AKAP13: variants seen among roughly 807,000 people sequenced by gnomAD.
AKAP13 encodes the protein A-kinase anchoring protein 13, also known as A-kinase anchor protein 13.
AKAP13 carries 80 observed loss-of-function variants against 264.5 expected under a neutral mutation model. The observed-to-expected ratio is 0.30, with a 90% CI of 0.25 to 0.36. The LOEUF is 0.36. Ranked by LOEUF, AKAP13 falls within the 10% of genes least tolerant of loss-of-function variation. AKAP13 has a pLI of 1.00. For missense variants in AKAP13, 3,712 were observed against 3,435.2 expected (o/e 1.08, Z -2.01); for synonymous variants, 1,380 against 1,250.2 (o/e 1.10, Z -2.19).
intron 14 of AKAP13, among the ~76,000 whole-genome samples, chr15:85,671,367 A>G (rs1187433096): frequency 2.7e-5 from 4 of 149,584 alleles, no homozygotes; most frequent in African/African-American, 2.5e-5. Flanking sequence ...CCAGGAGGTC[A>G]AGGCTGCAGT....
chr15:85,599,100 T>A (rs994722311), intron 8 of AKAP13, among the ~76,000 whole-genome samples: 2 of 152,200 alleles, frequency 1.3e-5, no homozygotes, highest in African/African-American at 4.8e-5. Flanking sequence ...TCATTAGTGC[T>A]GAAATCTGGT....
At chr15:85,681,791 A>G (rs991621227) in intron 14 of AKAP13, among the ~76,000 whole-genome samples, 2 of 151,770 alleles carry the variant, frequency 1.3e-5, no homozygotes, top group Admixed American at 6.6e-5. Context: ...TTCCTATTCT[A>G]TATTCTTCCT....
chr15:85,748,797 A>C lies in AKAP13; in HGVS notation c.*4120A>C, dbSNP rs551445098. 6 of 152,418 alleles carry C rather than the reference A, an allele frequency of 3.9e-5. No individual in the cohort carries two copies. The East Asian group carries it at 1.2e-3, about 29-fold the overall frequency. The allele number at this position is 152,418 out of a possible 1,614,324, so 9.4% of individuals were successfully genotyped here. A position where few individuals can be genotyped will look rare whatever the true frequency, so the allele number is the denominator to read the frequency against. The stretch of plus-strand genomic sequence containing the variant: ...CCACTGGCTGTGTCCCCTGCCACCG[A>C]AGTGAGTGACCTGCCCTACAACCAG... On this transcript the variant is annotated 3_prime_UTR_variant, in exon 37 of 37. Coordinates refer to ENST00000394518, the MANE Select transcript of AKAP13 (RefSeq NM_007200.5).
intron 8 of AKAP13, among the ~76,000 whole-genome samples, chr15:85,614,546 C>A (rs1031580121): frequency 1.3e-5 from 2 of 152,126 alleles, no homozygotes; most frequent in African/African-American, 4.8e-5. Flanking sequence ...TTTTAAAAAA[C>A]ATCTTTTTCT....
intron 1 of AKAP13, among the ~76,000 whole-genome samples, chr15:85,473,342 T>C (rs4260008): frequency 0.25 from 38,456 of 152,044 alleles, 5,604 homozygotes; most frequent in African/African-American, 0.41. Flanking sequence ...TAAGAGAAGA[T>C]GTAAACCACG....
chr15:85,416,445 C>T (rs938325878), intron 1 of AKAP13, among the ~76,000 whole-genome samples: 1 of 152,112 alleles, frequency 6.6e-6, no homozygotes, highest in Admixed American at 6.5e-5. Flanking sequence ...TAGAAATGAT[C>T]AGTTTCATTA....
At chr15:85,621,897 T>C (rs977392053) in intron 8 of AKAP13, among the ~76,000 whole-genome samples, 14 of 152,232 alleles carry the variant, frequency 9.2e-5, no homozygotes, top group African/African-American at 3.1e-4. Flanking sequence ...GTATTTGTAC[T>C]ATCCTGCCCA....
intron 5 of AKAP13, among the ~76,000 whole-genome samples, chr15:85,548,349 CTTAT>C (rs1348813547): frequency 5.3e-5 from 8 of 152,096 alleles, no homozygotes; most frequent in South Asian, 2.1e-4. Context: ...AAAATTAGGG[CTTAT>C]TTGTCATACA....
chr15:85,581,906 C>T lies in AKAP13; in HGVS notation c.3838C>T (p.Leu1280=), dbSNP rs571771236. The T allele has an allele frequency of 6.2e-7, 1 of 1,614,238 alleles. No homozygotes were observed. The highest frequency in any genetic ancestry group is 8.5e-7 in the Non-Finnish European group (1 of 1,180,028). The part of the protein sequence containing the change: ...LTEGEACHMS[L]SSPELGPLTK... The stretch of plus-strand genomic sequence containing the variant: ...TGAGGGGGAGGCCTGTCACATGTCA[C>T]TGTCCAGCCCTGAGTTGGGTCCTCT... The change falls in exon 7 of 37, where the codon CTG becomes TTG. Residue 1280 remains leucine, a synonymous_variant. Transcript: ENST00000394518.
intron 1 of AKAP13, among the ~76,000 whole-genome samples, chr15:85,466,646 C>T (rs1212239953): frequency 1.3e-5 from 2 of 152,164 alleles, no homozygotes; most frequent in African/African-American, 2.4e-5. Flanking sequence ...TTGGCAGATT[C>T]AGTTTTGTAT....
intron 1 of AKAP13, among the ~76,000 whole-genome samples, chr15:85,421,590 C>T (rs78098881): frequency 0.13 from 20,184 of 152,198 alleles, 1,755 homozygotes; most frequent in Non-Finnish European, 0.2. Context: ...CGTGTGCGCG[C>T]GCGCCTGTGC....
intron 8 of AKAP13, among the ~76,000 whole-genome samples, chr15:85,606,275 T>C (rs1254327825): frequency 1.3e-5 from 2 of 151,840 alleles, no homozygotes; most frequent in African/African-American, 2.4e-5. Flanking sequence ...CTGATTTTTG[T>C]ATTTTTAGTA....
intron 8 of AKAP13, among the ~76,000 whole-genome samples, chr15:85,615,243 A>G (rs2080881607): frequency 6.6e-6 from 1 of 152,236 alleles, no homozygotes; most frequent in Admixed American, 6.5e-5. Context: ...GGGTTAAGGA[A>G]AGGAGCTGTT....
At chr15:85,744,597 T>G in intron 36 of AKAP13, 31 bp from the exon 37 acceptor site, 1 of 1,612,714 alleles carries the variant, frequency 6.2e-7, no homozygotes. Context: ...TTTTTCTGAA[T>G]TTTTTTCATT....
intron 1 of AKAP13, among the ~76,000 whole-genome samples, chr15:85,416,100 A>C (rs368475714): frequency 6.6e-6 from 1 of 152,208 alleles, no homozygotes; most frequent in African/African-American, 2.4e-5. Context: ...TCAAGGAGGG[A>C]AGGACATTCT....
At chr15:85,395,274 C>T (rs1025765646) in intron 1 of AKAP13, among the ~76,000 whole-genome samples, 4 of 152,098 alleles carry the variant, frequency 2.6e-5, no homozygotes, top group Non-Finnish European at 5.9e-5. Context: ...AAGAATGGCC[C>T]TGAACTTTTG....
intron 14 of AKAP13, among the ~76,000 whole-genome samples, chr15:85,670,261 T>C (rs2083849267): frequency 6.6e-6 from 1 of 152,050 alleles, no homozygotes; most frequent in Non-Finnish European, 1.5e-5. Context: ...CCCTAAAGAT[T>C]TTTTCTGAAA....
chr15:85,570,618 G>C (rs1455459300), intron 5 of AKAP13, among the ~76,000 whole-genome samples: 7 of 152,230 alleles, frequency 4.6e-5, no homozygotes, highest in Non-Finnish European at 1.0e-4. Flanking sequence ...GCACTACCGA[G>C]TTTGGGCCTG....
intron 5 of AKAP13, among the ~76,000 whole-genome samples, chr15:85,547,861 C>T (rs1433964793): frequency 1.3e-5 from 2 of 152,150 alleles, no homozygotes; most frequent in Non-Finnish European, 2.9e-5. Flanking sequence ...GTACCCAAAA[C>T]ATGTAGGCCT....
Sources: allele counts gnomAD v4.1 joint callset (sites outside exome capture counted in the v4.1 genomes callset), GRCh38; gene constraint gnomAD v4.1.1; transcripts MANE v1.5; gene names NCBI Gene and HGNC (gene_info 2026-07-23, HGNC 2026-07-21).